Variants in MYO18B observed in about 807,000 individuals in gnomAD.
MYO18B encodes myosin XVIIIB, also known as unconventional myosin-XVIIIb.
In MYO18B, 204 loss-of-function variants were observed where a neutral mutation model predicts 273.0. The ratio of observed to expected loss-of-function variants is 0.75; its 90% CI spans 0.67 to 0.84. MYO18B has a LOEUF of 0.84. Among genes scored for constraint, MYO18B ranks in the 40% least tolerant of loss-of-function variants. The pLI is 0.00. For missense variants in MYO18B, 3,212 were observed against 3,287.6 expected (o/e 0.98, Z 0.56); for synonymous variants, 1,330 against 1,305.7 (o/e 1.02, Z -0.40).
chr22:25,877,988 A>G lies in MYO18B; in HGVS notation c.4254A>G (p.Leu1418=). The part of the protein sequence containing the change: ...EEELTTLRRK[L]EKSEKLRNEL... ...AGCTTACAACGCTAAGACGGAAGCT[A>G]GAAAAATCAGAGAAGTTGCGGAATG... Residue 1418 remains leucine, a synonymous_variant, in exon 25 of 44, where the codon CTA becomes CTG. Coordinates refer to ENST00000335473, the MANE Select transcript of MYO18B (RefSeq NM_032608.7). 1 of 1,582,066 alleles carries G rather than the reference A, an allele frequency of 6.3e-7. No homozygotes were observed.
chr22:25,992,284 C>T (rs970171454), intron 39 of MYO18B, 79 bp from the exon 40 acceptor site: 56 of 1,553,990 alleles, frequency 3.6e-5, no homozygotes, highest in African/African-American at 1.9e-4. Context: ...CAGCCTGGGG[C>T]GTGTCTCTTC....
At chr22:25,975,182 C>T (rs1418154886) in intron 39 of MYO18B, among the ~76,000 whole-genome samples, 1 of 152,150 alleles carries the variant, frequency 6.6e-6, no homozygotes, top group Non-Finnish European at 1.5e-5. Flanking sequence ...CACAACCTGG[C>T]CATAACCTTG....
intron 39 of MYO18B, among the ~76,000 whole-genome samples, chr22:25,969,994 A>G (rs1279447137): frequency 2.0e-5 from 3 of 151,946 alleles, no homozygotes; most frequent in African/African-American, 7.3e-5. Context: ...CACCACCATC[A>G]CCACCAACAC....
At chr22:25,821,243 C>A (rs531636457) in intron 12 of MYO18B, among the ~76,000 whole-genome samples, 113 of 151,708 alleles carry the variant, frequency 7.4e-4, no homozygotes, top group African/African-American at 2.5e-3. Context: ...AGGAAAGTTC[C>A]TACTGCTCTC....
chr22:26,027,607 C>CG lies in MYO18B; in HGVS notation c.7635dup (p.Arg2546GlufsTer115). On this transcript the variant is annotated frameshift_variant, in exon 43 of 44. Coordinates refer to ENST00000335473, the MANE Select transcript of MYO18B (RefSeq NM_032608.7). LOFTEE classifies it low-confidence loss of function (END_TRUNC). The surrounding 1 kb of genome is among the most constrained non-coding windows in gnomAD (Gnocchi z 4.1). Reference sequence around the variant, plus strand: ...CGGTGGCGAGCGAACGTCCCCCGAGCGGAGAGAGCCAGGGACGGGGAGGAA... The same window carrying CG: ...CGGTGGCGAGCGAACGTCCCCCGAGCGGGAGAGAGCCAGGGACGGGGAGGAA... 1 of 1,613,774 alleles carries CG rather than the reference C, an allele frequency of 6.2e-7. No homozygotes were observed. Among genetic ancestry groups the CG allele is most frequent in the East Asian group, 2.2e-5 (1 of 44,860 alleles).
Position 25,946,654 on chromosome 22 carries a change from T to C in MYO18B, c.5631+404T>C, listed in dbSNP as rs1217636729. Reference sequence around the variant, plus strand: ...AGCTTGTTATTTGCTCAGTACCCAATGTGGAAACACAACTGTATGTTGTGT... The same window carrying C: ...AGCTTGTTATTTGCTCAGTACCCAACGTGGAAACACAACTGTATGTTGTGT... On this transcript the variant is annotated intron_variant, in intron 35 of 43. Coordinates refer to ENST00000335473, the MANE Select transcript of MYO18B (RefSeq NM_032608.7). 2.0e-5 allele frequency among the ~76,000 whole-genome samples: 3 copies of C among 152,202 alleles called. No individual in the cohort carries two copies. The East Asian group carries it at 5.8e-4, about 29-fold the overall frequency.
intron 6 of MYO18B, 83 bp from the exon 7 acceptor site, chr22:25,772,251 T>C: frequency 1.6e-6 from 2 of 1,252,918 alleles, no homozygotes; most frequent in Non-Finnish European, 2.2e-6. Context: ...GCTTAGTGTG[T>C]GTTTGGTTGC....
intron 42 of MYO18B, among the ~76,000 whole-genome samples, chr22:26,017,185 CCTTT>C (rs1418501467): frequency 2.6e-5 from 4 of 150,974 alleles, no homozygotes; most frequent in Non-Finnish European, 4.4e-5. Context: ...TTCCTTCCTT[CCTTT>C]TTCTTTCTTC....
chr22:26,041,582 G>C, the MYO18B span, among the ~76,000 whole-genome samples: 1 of 152,070 alleles, frequency 6.6e-6, no homozygotes, highest in Non-Finnish European at 1.5e-5. Flanking sequence ...CCTAGAGCCA[G>C]TGTAGGCTTT....
rs745998234 is a variant in MYO18B, at chr22:25,990,686, CAAAAAAAAAAAAAAAAAAAAAA to C, written c.6157-1664_6157-1643del. ...TGTGCAACAGAGCAAGACTTTGTCT[CAAAAAAAAAAAAAAAAAAAAAA>C]AAAAAAAAAAAAGAAAAAGAAAAAA... On this transcript the variant is annotated intron_variant, in intron 39 of 43. Coordinates refer to ENST00000335473, the MANE Select transcript of MYO18B (RefSeq NM_032608.7). Among the ~76,000 whole-genome samples the C allele has an allele frequency of 3.3e-4, 9 of 27,042 alleles. No individual in the cohort carries two copies. In the South Asian group the frequency reaches 0.026, roughly 80 times the overall value. The allele number at this position is 27,042 out of a possible 152,430, so 17.7% of individuals were successfully genotyped here. A position where few individuals can be genotyped will look rare whatever the true frequency, so the allele number is the denominator to read the frequency against.
intron 21 of MYO18B, among the ~76,000 whole-genome samples, chr22:25,862,923 C>T (rs1601391624): frequency 6.6e-6 from 1 of 151,860 alleles, no homozygotes; most frequent in South Asian, 2.1e-4. Context: ...TTCTCCTCTT[C>T]TTCTGAGACT....
the MYO18B span, among the ~76,000 whole-genome samples, chr22:26,052,364 A>G: frequency 6.6e-6 from 1 of 152,214 alleles, no homozygotes; most frequent in Non-Finnish European, 1.5e-5. Flanking sequence ...GCTGGTTACC[A>G]AAGATAATGG....
downstream of MYO18B, among the ~76,000 whole-genome samples, chr22:26,034,254 C>T (rs776709482): frequency 3.9e-5 from 6 of 152,172 alleles, no homozygotes; most frequent in East Asian, 1.9e-4. Flanking sequence ...TAGCACCCGG[C>T]GTAGTAAGCG....
chr22:26,022,827 A>G (rs553457063), intron 42 of MYO18B, among the ~76,000 whole-genome samples: 1 of 152,320 alleles, frequency 6.6e-6, no homozygotes, highest in African/African-American at 2.4e-5. Context: ...TGTAGAAGGC[A>G]TTGCTCCTCA....
the MYO18B span, among the ~76,000 whole-genome samples, chr22:26,036,973 G>A: frequency 1.3e-5 from 2 of 152,212 alleles, no homozygotes; most frequent in Admixed American, 6.5e-5. Flanking sequence ...ACAGACAAGT[G>A]GAGCTGGGAT....
intron 25 of MYO18B, among the ~76,000 whole-genome samples, chr22:25,879,215 A>G (rs1340958211): frequency 6.6e-6 from 1 of 152,204 alleles, no homozygotes; most frequent in African/African-American, 2.4e-5. Context: ...GAGTAGTTGC[A>G]ACCTGAAACT....
intron 42 of MYO18B, 66 bp downstream of exon 42, chr22:26,004,921 G>T (rs1439506321): frequency 6.3e-7 from 1 of 1,588,042 alleles, no homozygotes; most frequent in Non-Finnish European, 8.6e-7. Flanking sequence ...TTTGAAAGTT[G>T]TTGTTCAAGT....
At chr22:25,806,474 T>G (rs2088483278) in intron 12 of MYO18B, among the ~76,000 whole-genome samples, 1 of 152,204 alleles carries the variant, frequency 6.6e-6, no homozygotes, top group Non-Finnish European at 1.5e-5. Context: ...CTGCATAGTA[T>G]CCACACTTCC....
chr22:25,812,389 C>A (rs1454834678), intron 12 of MYO18B, among the ~76,000 whole-genome samples: 1 of 152,200 alleles, frequency 6.6e-6, no homozygotes, highest in Non-Finnish European at 1.5e-5. Context: ...TGCTTCCACC[C>A]CTTAATGAGG....
Sources: allele counts gnomAD v4.1 joint callset (sites outside exome capture counted in the v4.1 genomes callset), GRCh38; gene constraint gnomAD v4.1.1; non-coding constraint Gnocchi (gnomAD v3.1); transcripts MANE v1.5; gene names NCBI Gene and HGNC (gene_info 2026-07-23, HGNC 2026-07-21).